Variants in PHIP observed in about 807,000 individuals in gnomAD.
PHIP encodes the protein PH-interacting protein.
A neutral mutation model predicts 236.8 loss-of-function variants in PHIP; 54 were observed. The observed-to-expected ratio is 0.23, with a 90% confidence interval of 0.18 to 0.29. The LOEUF (loss-of-function observed/expected upper bound fraction) is 0.29. Ranked by LOEUF, PHIP falls within the 10% of genes least tolerant of loss-of-function variation. The probability of loss-of-function intolerance (pLI) is 1.00; values close to 1 mark genes in which losing one functional copy is unlikely to be tolerated. For missense variants in PHIP, 1,370 were observed against 2,190.8 expected (o/e 0.63, Z 7.48); for synonymous variants, 756 against 718.9 (o/e 1.05, Z -0.83).
At chr6:78,962,309 T>C (rs1766835591) in intron 30 of PHIP, among the ~76,000 whole-genome samples, 1 of 152,158 alleles carries the variant, frequency 6.6e-6, no homozygotes, top group Non-Finnish European at 1.5e-5. Context: ...ATACACACCG[T>C]AAAGTTGTAC....
intron 24 of PHIP, among the ~76,000 whole-genome samples, chr6:78,972,000 G>A (rs1767610042): frequency 6.6e-6 from 1 of 152,076 alleles, no homozygotes; most frequent in African/African-American, 2.4e-5. Flanking sequence ...AAGCAGCCGG[G>A]AAGCTCGAAC....
rs548720795 is a variant in PHIP, at chr6:79,071,110, T to TCCTCATC, written c.189+6331_189+6337dup. On this transcript the variant is annotated intron_variant, in intron 4 of 39. Coordinates refer to ENST00000275034, the MANE Select transcript of PHIP (RefSeq NM_017934.7). Reference sequence around the variant, plus strand: ...CCACCTAAATTTTCTTATCAAAAACTCCTCATCCAACCATCCTTTTCTTAC... The same window carrying TCCTCATC: ...CCACCTAAATTTTCTTATCAAAAACTCCTCATCCCTCATCCAACCATCCTTTTCTTAC... Among the ~76,000 whole-genome samples, 64 of 152,216 alleles carry TCCTCATC rather than the reference T, an allele frequency of 4.2e-4. 2 individuals are homozygous for TCCTCATC. The highest frequency in any genetic ancestry group is 2.8e-4 in the Non-Finnish European group (19 of 68,042).
At chr6:79,046,789 C>A (rs1376993408) in intron 6 of PHIP, among the ~76,000 whole-genome samples, 1 of 151,592 alleles carries the variant, frequency 6.6e-6, no homozygotes, top group Non-Finnish European at 1.5e-5. Context: ...GGCAGAAGAA[C>A]AGCTTGAACC....
At chr6:79,026,459 T>G (rs1055747843) in intron 7 of PHIP, among the ~76,000 whole-genome samples, 4 of 36,850 alleles carry the variant, frequency 1.1e-4, no homozygotes, top group Middle Eastern at 0.015. Flanking sequence ...GAAATTGAAC[T>G]TCTGAAATAA....
At position 79,078,248 on chromosome 6, in the gene PHIP, A is replaced by G. The variant is rs1000043880; in HGVS notation, c.-180T>C. On this transcript the variant is annotated 5_prime_UTR_variant, in exon 1 of 40. Transcript: ENST00000275034. ...GAGGAGGAAACAACAACTCTCAGGCAGCGACTACGGCCGTGGCCGCCTCCG... is the reference window on the plus strand; with the variant it reads ...GAGGAGGAAACAACAACTCTCAGGCGGCGACTACGGCCGTGGCCGCCTCCG... The G allele has an allele frequency of 2.5e-5, 15 of 591,476 alleles. No individual in the cohort carries two copies. In the African/African-American group the frequency reaches 2.7e-4, roughly 11 times the overall value. The allele number at this position is 591,476 out of a possible 1,614,324, so 36.6% of individuals were successfully genotyped here. A position where few individuals can be genotyped will look rare whatever the true frequency, so the allele number is the denominator to read the frequency against.
Position 78,978,682 on chromosome 6 carries a change from A to C in PHIP, c.2799T>G (p.Asn933Lys). 6.3e-7 allele frequency: 1 copy of C among 1,594,968 alleles called. No individual in the cohort carries two copies. The highest frequency in any genetic ancestry group is 8.6e-7 in the Non-Finnish European group (1 of 1,166,778). The change falls in exon 24 of 40, where the codon AAT (asparagine) becomes AAG (lysine). Residue 933 changes from asparagine to lysine, a missense_variant. Asn to Lys is a moderately conservative substitution (Grantham distance 94). This residue lies in a region of PHIP where 76 missense variants were observed against 76.4 expected (regional missense o/e 0.99). Transcript: ENST00000275034. ...KRLAVGELTE[N>K]GLTLEEWLPS... ...GCAACCATTCTTCTAATGTCAAACC[A>C]TTTTCAGTTAGTTCTCCCACAGCCA...
At chr6:78,963,300 A>G (rs111935183) in intron 29 of PHIP, 48 bp from the exon 30 acceptor site, 5 of 1,468,580 alleles carry the variant, frequency 3.4e-6, no homozygotes, top group Non-Finnish European at 2.8e-6. Context: ...ACTTATTAGT[A>G]TTCAGGTTAG....
chr6:78,987,519 T>G (rs1170057806), intron 21 of PHIP, among the ~76,000 whole-genome samples: 1 of 152,140 alleles, frequency 6.6e-6, no homozygotes, highest in South Asian at 2.1e-4. Context: ...ATGCCTAGCA[T>G]TTCAAAGCAC....
At chr6:79,042,744 T>C in intron 7 of PHIP, 99 bp downstream of exon 7, 2 of 850,562 alleles carry the variant, frequency 2.4e-6, no homozygotes, top group East Asian at 6.1e-5. Flanking sequence ...GGTTTCCTAT[T>C]AAAAGAAAAA....
intron 7 of PHIP, among the ~76,000 whole-genome samples, chr6:79,031,004 T>C (rs117319782): frequency 0.037 from 5,589 of 152,200 alleles, 103 homozygotes; most frequent in Middle Eastern, 0.058. Context: ...AGTATTGTAG[T>C]GCGATCTCGG....
intron 6 of PHIP, among the ~76,000 whole-genome samples, chr6:79,046,931 T>A (rs1355093973): frequency 1.3e-5 from 2 of 151,558 alleles, no homozygotes; most frequent in East Asian, 1.9e-4. Context: ...GGAAGATTTA[T>A]CTCACAGATT....
In PHIP at chr6:78,936,429, G is replaced by T. The variant is rs1187931516; in HGVS notation, c.*4264C>A. 6.6e-6 allele frequency: 1 copy of T among 151,768 alleles called. No individual in the cohort carries two copies. The highest frequency in any genetic ancestry group is 1.5e-5 in the Non-Finnish European group (1 of 67,752). 9.4% of individuals were successfully genotyped at this position (151,768 alleles called of 1,614,324 possible). A position where few individuals can be genotyped will look rare whatever the true frequency, so the allele number is the denominator to read the frequency against. ...TAACTTTGTATTGTCTCATGTTATA[G>T]TCTATCATTGTGACTAATCAACACA... On this transcript the variant is annotated 3_prime_UTR_variant, in exon 40 of 40. Transcript: ENST00000275034.
Position 78,945,315 on chromosome 6 carries a change from CTGA to C in PHIP, c.4810_4812del (p.Ser1604del). 6.2e-7 allele frequency: 1 copy of C among 1,610,392 alleles called. No individual in the cohort carries two copies. The highest frequency in any genetic ancestry group is 8.5e-7 in the Non-Finnish European group (1 of 1,176,644). ...AATACCTTACCTTGCTCAATGACAG[CTGA>C]TGACTTTGAAAGAGTGGACGCCTTT... On this transcript the variant is annotated inframe_deletion, in exon 39 of 40. Coordinates refer to ENST00000275034, the MANE Select transcript of PHIP (RefSeq NM_017934.7).
In PHIP at chr6:79,072,819, T is replaced by C. The variant is rs145614593; in HGVS notation, c.189+4629A>G. Reference sequence around the variant, plus strand: ...CTGCAGATTCTATGTTCAGAAAGTATATACATACTTGTGCCTGGAATAAAA... The same window carrying C: ...CTGCAGATTCTATGTTCAGAAAGTACATACATACTTGTGCCTGGAATAAAA... On this transcript the variant is annotated intron_variant, in intron 4 of 39. Coordinates refer to ENST00000275034, the MANE Select transcript of PHIP (RefSeq NM_017934.7). Among the ~76,000 whole-genome samples, 98 of 152,298 alleles carry C rather than the reference T, an allele frequency of 6.4e-4. 1 individual carries two copies. The South Asian group carries it at 7.9e-3, about 12-fold the overall frequency.
chr6:79,062,428 AG>A (rs1255698035), intron 4 of PHIP, among the ~76,000 whole-genome samples: 2 of 152,218 alleles, frequency 1.3e-5, no homozygotes, highest in African/African-American at 2.4e-5. Flanking sequence ...AATAAAATTT[AG>A]AAGTCTAGAA....
At chr6:78,970,528 T>C (rs1322869770) in intron 25 of PHIP, among the ~76,000 whole-genome samples, 1 of 152,194 alleles carries the variant, frequency 6.6e-6, no homozygotes. Flanking sequence ...TACTTTAGAC[T>C]TATTACCTAA....
At chr6:78,990,809 T>A in intron 20 of PHIP, 59 bp downstream of exon 20, 4 of 907,876 alleles carry the variant, frequency 4.4e-6, no homozygotes, top group Non-Finnish European at 6.9e-6. Context: ...AAATGGAGCC[T>A]TAAAATGGTC....
intron 6 of PHIP, among the ~76,000 whole-genome samples, chr6:79,054,800 T>C (rs975030972): frequency 1.3e-5 from 2 of 151,864 alleles, no homozygotes; most frequent in Non-Finnish European, 2.9e-5. Flanking sequence ...ATATTGGAAA[T>C]ATGGCAAAAT....
chr6:79,051,017 T>C (rs1329109046), intron 6 of PHIP, among the ~76,000 whole-genome samples: 1 of 152,160 alleles, frequency 6.6e-6, no homozygotes, highest in Non-Finnish European at 1.5e-5. Flanking sequence ...ATGTCAAAGA[T>C]AGTTCAGGTT....
Sources: gnomAD v4.1 joint callset for allele counts (sites outside exome capture counted in the v4.1 genomes callset) on GRCh38, gnomAD v4.1.1 for gene constraint, gnomAD v4.1.1 regional missense constraint, MANE v1.5 for transcripts, NCBI Gene and HGNC (gene_info 2026-07-23, HGNC 2026-07-21) for gene names.